The following ZNF516 variants were observed in gnomAD, a reference collection of about 807,000 sequenced individuals.
The protein encoded by ZNF516 is zinc finger protein 516.
In ZNF516, 19 loss-of-function variants were observed where a neutral mutation model predicts 79.7. The ratio of observed to expected loss-of-function variants is 0.24; its 90% CI spans 0.17 to 0.35. The LOEUF is 0.35. Among genes scored for constraint, ZNF516 ranks in the 10% least tolerant of loss-of-function variants. ZNF516 has a pLI of 1.00. For synonymous variants in ZNF516, 877 were observed against 739.5 expected (o/e 1.19, Z -3.02); for missense variants, 1,678 against 1,679.5 (o/e 1.00, Z 0.02).
At chr18:76,374,528 G>A (rs2074756466) in intron 4 of ZNF516, among the ~76,000 whole-genome samples, 1 of 152,094 alleles carries the variant, frequency 6.6e-6, no homozygotes, top group Non-Finnish European at 1.5e-5. Flanking sequence ...GTGGGGGCGG[G>A]GAAGTCTTTG....
chr18:76,486,499 T>C (rs2058797656), intron 1 of ZNF516, among the ~76,000 whole-genome samples: 1 of 152,158 alleles, frequency 6.6e-6, no homozygotes, highest in Non-Finnish European at 1.5e-5. Context: ...AATTATAGTT[T>C]TAATAGAGAA....
At chr18:76,408,554 G>C (rs1225699779) in intron 3 of ZNF516, among the ~76,000 whole-genome samples, 3 of 152,168 alleles carry the variant, frequency 2.0e-5, no homozygotes, top group African/African-American at 7.2e-5. Context: ...AAGGCGGAAG[G>C]TGTCAATGTT....
intron 1 of ZNF516, among the ~76,000 whole-genome samples, chr18:76,468,154 C>T (rs1470116000): frequency 6.6e-6 from 1 of 152,196 alleles, no homozygotes; most frequent in Non-Finnish European, 1.5e-5. Context: ...AACTTCTGCT[C>T]TCTATGTATA....
At chr18:76,472,291 A>C (rs1465019107) in intron 1 of ZNF516, among the ~76,000 whole-genome samples, 2 of 152,082 alleles carry the variant, frequency 1.3e-5, no homozygotes, top group Non-Finnish European at 2.9e-5. Context: ...ACGGCTTCTC[A>C]AACATCAGCT....
In ZNF516 at chr18:76,379,363, C is replaced by A; in HGVS notation, c.2751G>T (p.Val917=). 6.3e-7 allele frequency: 1 copy of A among 1,594,750 alleles called. No individual in the cohort carries two copies. Among genetic ancestry groups the A allele is most frequent in the Non-Finnish European group, 8.5e-7 (1 of 1,170,282 alleles). ...KPRQEASSKP[V]PAPGGGGFSR... is the part of the protein sequence containing the mutation. ...TGAAGCCCCCGCCACCCGGGGCAGGCACCGGTTTGGAGCTAGCCTCCTGCC... is the reference window on the plus strand; with the variant it reads ...TGAAGCCCCCGCCACCCGGGGCAGGAACCGGTTTGGAGCTAGCCTCCTGCC... The change falls in exon 4 of 7, where the codon GTG becomes GTT. Residue 917 remains valine, a synonymous_variant. Coordinates refer to ENST00000443185, the MANE Select transcript of ZNF516 (RefSeq NM_014643.4).
intron 3 of ZNF516, among the ~76,000 whole-genome samples, chr18:76,406,434 C>T (rs1039163437): frequency 6.6e-6 from 1 of 152,134 alleles, no homozygotes; most frequent in Non-Finnish European, 1.5e-5. Flanking sequence ...CATGGTGGTG[C>T]ACGCCTGTAA....
intron 2 of ZNF516, among the ~76,000 whole-genome samples, chr18:76,447,285 C>T (rs929876466): frequency 2.6e-5 from 4 of 152,226 alleles, no homozygotes; most frequent in African/African-American, 7.2e-5. Flanking sequence ...GCTGGCACGA[C>T]GGGCTGTGCT....
rs1176950741 is a variant in ZNF516, at chr18:76,483,872, CCTT to C, written c.-272+11269_-272+11271del. 3.9e-5 allele frequency among the ~76,000 whole-genome samples: 6 copies of C among 152,300 alleles called. No individual in the cohort carries two copies. In the East Asian group the frequency reaches 9.7e-4, roughly 25 times the overall value. On this transcript the variant is annotated intron_variant, in intron 1 of 6. Transcript: ENST00000443185. ...TGGTGACCAGATTTTCCACGTTCCT[CCTT>C]GAGCGCTGCCATGTGACAGCAGCCT... is the stretch of plus-strand genomic sequence containing the variant.
Position 76,446,177 on chromosome 18 carries a change from A to C in ZNF516, c.-157-2966T>G, listed in dbSNP as rs544422935. Among the ~76,000 whole-genome samples, 14 of 152,186 alleles carry C rather than the reference A, an allele frequency of 9.2e-5. No homozygotes were observed. The East Asian group carries it at 1.7e-3, about 19-fold the overall frequency. ...TCAGGCACAGAGAAACAATAAGAAG[A>C]AGCCACATGTCACCGAAGCCCCTTG... On this transcript the variant is annotated intron_variant, in intron 2 of 6. Transcript: ENST00000443185.
chr18:76,433,832 T>A (rs1261122513), intron 3 of ZNF516, among the ~76,000 whole-genome samples: 1 of 152,156 alleles, frequency 6.6e-6, no homozygotes, highest in African/African-American at 2.4e-5. Flanking sequence ...TGCAGAATCA[T>A]CAGTCGGAAT....
At chr18:76,399,741 G>C (rs1311015109) in intron 3 of ZNF516, among the ~76,000 whole-genome samples, 1 of 152,162 alleles carries the variant, frequency 6.6e-6, no homozygotes, top group African/African-American at 2.4e-5. Context: ...TACTGTATAA[G>C]TCGGGAAACA....
chr18:76,491,002 G>A (rs1238630157), intron 1 of ZNF516: 1 of 985,262 alleles, frequency 1.0e-6, no homozygotes, highest in Non-Finnish European at 1.2e-6. Flanking sequence ...GGCGCCCCAA[G>A]CCCGGGTGCC....
At chr18:76,364,764 A>C (rs749361227) in intron 6 of ZNF516, among the ~76,000 whole-genome samples, 1 of 152,252 alleles carries the variant, frequency 6.6e-6, no homozygotes, top group South Asian at 2.1e-4. Flanking sequence ...GCTTGTGGTC[A>C]GCCACGCAGG....
intron 2 of ZNF516, among the ~76,000 whole-genome samples, chr18:76,461,796 A>T (rs1170244183): frequency 6.6e-6 from 1 of 152,208 alleles, no homozygotes; most frequent in Non-Finnish European, 1.5e-5. Flanking sequence ...CCAACAGGCG[A>T]GGGGCCCAGG....
chr18:76,371,331 G>T, intron 5 of ZNF516, 136 bp downstream of exon 5: 1 of 815,996 alleles, frequency 1.2e-6, no homozygotes, highest in Non-Finnish European at 1.9e-6. Flanking sequence ...GATCCCGGAG[G>T]CAGATGGCAG....
intron 1 of ZNF516, among the ~76,000 whole-genome samples, chr18:76,486,875 G>C (rs891723880): frequency 6.6e-6 from 1 of 152,044 alleles, no homozygotes; most frequent in Non-Finnish European, 1.5e-5. Flanking sequence ...CAAGGTTCGG[G>C]GGGAAGGTAC....
rs1000134828 is a variant in ZNF516 at position 76,357,966 on chromosome 18, T to C, written c.*4532A>G. Among the ~76,000 whole-genome samples, 3 of 152,202 alleles carry C rather than the reference T, an allele frequency of 2.0e-5. No individual in the cohort carries two copies. The highest frequency in any genetic ancestry group is 4.4e-5 in the Non-Finnish European group (3 of 68,036). ...ACACAGCGTCTCCATTAAAAAACTGTATGTCCTCGAGTCCACAAAAGAGTT... is the reference window on the plus strand; with the variant it reads ...ACACAGCGTCTCCATTAAAAAACTGCATGTCCTCGAGTCCACAAAAGAGTT... On this transcript the variant is annotated 3_prime_UTR_variant, in exon 7 of 7. Coordinates refer to ENST00000443185, the MANE Select transcript of ZNF516 (RefSeq NM_014643.4).
At chr18:76,378,558 A>G (rs2145009271) in intron 4 of ZNF516, among the ~76,000 whole-genome samples, 1 of 152,356 alleles carries the variant, frequency 6.6e-6, no homozygotes, top group East Asian at 1.9e-4. Flanking sequence ...ACGTCCTCTC[A>G]GCAGGAAGGA....
At chr18:76,473,510 A>T (rs1028449904) in intron 1 of ZNF516, among the ~76,000 whole-genome samples, 2 of 152,178 alleles carry the variant, frequency 1.3e-5, no homozygotes, top group African/African-American at 4.8e-5. Context: ...GCAATTAAAC[A>T]AAAGTAGTTG....
Sources: allele counts gnomAD v4.1 joint callset (sites outside exome capture counted in the v4.1 genomes callset), GRCh38; gene constraint gnomAD v4.1.1; transcripts MANE v1.5; gene names NCBI Gene and HGNC (gene_info 2026-07-23, HGNC 2026-07-21).